Variants in LHFPL3 observed in about 807,000 individuals in gnomAD.
LHFPL3 encodes LHFPL tetraspan subfamily member 3.
A neutral mutation model predicts 19.3 loss-of-function variants in LHFPL3; 5 were observed. That is an observed-to-expected ratio of 0.26 (90% CI 0.14 to 0.54). LHFPL3 has a LOEUF of 0.54. Among genes scored for constraint, LHFPL3 ranks in the 20% least tolerant of loss-of-function variants. The probability of loss-of-function intolerance (pLI) is 0.94; values close to 1 mark genes in which losing one functional copy is unlikely to be tolerated. For synonymous variants in LHFPL3, 133 were observed against 126.2 expected (o/e 1.05, Z -0.36); for missense variants, 249 against 307.4 (o/e 0.81, Z 1.42).
intron 1 of LHFPL3, among the ~76,000 whole-genome samples, chr7:104,467,333 CTCACA>C (rs879331597): frequency 2.6e-5 from 4 of 152,184 alleles, no homozygotes; most frequent in Non-Finnish European, 5.9e-5. Context: ...AAAAGTTTAA[CTCACA>C]TCTCAGCAAC....
At chr7:104,575,726 A>G (rs1356545117) in intron 1 of LHFPL3, among the ~76,000 whole-genome samples, 1 of 151,704 alleles carries the variant, frequency 6.6e-6, no homozygotes, top group Admixed American at 6.6e-5. Context: ...GCTCACTGCA[A>G]CCTCCACCTC....
chr7:104,465,519 C>T (rs1792762410), intron 1 of LHFPL3, among the ~76,000 whole-genome samples: 2 of 152,184 alleles, frequency 1.3e-5, no homozygotes, highest in South Asian at 2.1e-4. Flanking sequence ...ATTTAACTGA[C>T]TCACAGTTCA....
chr7:104,667,696 C>A (rs1281648622), intron 1 of LHFPL3: 34 of 1,308,890 alleles, frequency 2.6e-5, no homozygotes, highest in Non-Finnish European at 3.2e-5. Flanking sequence ...ATGCAATTTA[C>A]AACTTAGAGG....
At chr7:104,653,938 A>G (rs1245555969) in intron 1 of LHFPL3, among the ~76,000 whole-genome samples, 1 of 152,150 alleles carries the variant, frequency 6.6e-6, no homozygotes, top group Non-Finnish European at 1.5e-5. Flanking sequence ...TTGCTTCCCT[A>G]AAGACAGCAC....
At chr7:104,482,641 G>C (rs1195020761) in intron 1 of LHFPL3, among the ~76,000 whole-genome samples, 1 of 152,160 alleles carries the variant, frequency 6.6e-6, no homozygotes, top group Non-Finnish European at 1.5e-5. Flanking sequence ...GCCTTTCTCG[G>C]TTTTGCTTTT....
chr7:104,470,506 C>G (rs904436613), intron 1 of LHFPL3, among the ~76,000 whole-genome samples: 3 of 152,192 alleles, frequency 2.0e-5, no homozygotes, highest in Non-Finnish European at 4.4e-5. Flanking sequence ...CATGCTTTGT[C>G]CACGAACAGT....
intron 2 of LHFPL3, chr7:104,785,757 T>C (rs1562792877): frequency 2.0e-5 from 3 of 152,226 alleles, no homozygotes; most frequent in Admixed American, 2.0e-4. Context: ...AAGAAGTTCA[T>C]TCTCCACACT....
intron 1 of LHFPL3, among the ~76,000 whole-genome samples, chr7:104,655,773 G>C (rs976073034): frequency 1.3e-5 from 2 of 152,168 alleles, no homozygotes; most frequent in African/African-American, 4.8e-5. Context: ...ACCATTCACT[G>C]TTAGTTTCCT....
chr7:104,519,237 A>AT (rs1430308246), intron 1 of LHFPL3, among the ~76,000 whole-genome samples: 1 of 152,056 alleles, frequency 6.6e-6, no homozygotes, highest in Non-Finnish European at 1.5e-5. Flanking sequence ...TTCAGCTAGG[A>AT]TTGGGGCCTT....
intron 2 of LHFPL3, chr7:104,768,744 T>C (rs1794502035): frequency 1.3e-5 from 2 of 152,244 alleles, no homozygotes; most frequent in South Asian, 4.1e-4. Context: ...ACAACTTTGT[T>C]GCCACCTTCC....
At chr7:104,714,807 C>A (rs2116226230) in intron 1 of LHFPL3, among the ~76,000 whole-genome samples, 1 of 152,288 alleles carries the variant, frequency 6.6e-6, no homozygotes, top group South Asian at 2.1e-4. Context: ...GATTGCCAAC[C>A]ACCCTCTAGC....
At chr7:104,675,890 C>T (rs781461400) in intron 1 of LHFPL3, among the ~76,000 whole-genome samples, 16 of 152,144 alleles carry the variant, frequency 1.1e-4, no homozygotes, top group Non-Finnish European at 2.2e-4. Flanking sequence ...TCCAAAACTG[C>T]TGGATGCAAG....
intron 1 of LHFPL3, among the ~76,000 whole-genome samples, chr7:104,346,126 C>T (rs943233095): frequency 1.3e-5 from 2 of 151,450 alleles, no homozygotes; most frequent in African/African-American, 2.4e-5. Context: ...ACCTCTGCCT[C>T]CCAGGTTCAA....
At chr7:104,788,835 C>A (rs924701199) in intron 2 of LHFPL3, among the ~76,000 whole-genome samples, 1 of 152,122 alleles carries the variant, frequency 6.6e-6, no homozygotes, top group Admixed American at 6.6e-5. Flanking sequence ...TTCCCTCTCT[C>A]ACTCCTCAAC....
At chr7:104,671,452 T>G (rs1187397326) in intron 1 of LHFPL3, among the ~76,000 whole-genome samples, 2 of 151,792 alleles carry the variant, frequency 1.3e-5, no homozygotes, top group Non-Finnish European at 1.5e-5. Context: ...CAAAAATATC[T>G]TCTATGAAAA....
chr7:104,452,489 T>G (rs1792459792), intron 1 of LHFPL3, among the ~76,000 whole-genome samples: 1 of 152,194 alleles, frequency 6.6e-6, no homozygotes, highest in Non-Finnish European at 1.5e-5. Context: ...CATTTTATAT[T>G]TTTTATTGCT....
chr7:104,339,807 C>T (rs1233935799), intron 1 of LHFPL3, among the ~76,000 whole-genome samples: 2 of 152,148 alleles, frequency 1.3e-5, no homozygotes, highest in African/African-American at 4.8e-5. Context: ...CCTAATGTGC[C>T]CTTGGTTACA....
intron 1 of LHFPL3, among the ~76,000 whole-genome samples, chr7:104,333,559 A>G (rs1329120776): frequency 6.6e-6 from 1 of 152,178 alleles, no homozygotes; most frequent in East Asian, 1.9e-4. Flanking sequence ...TGAATTGTTT[A>G]GTCTGTTACC....
At chr7:104,810,654 A>G (rs189019335) in intron 2 of LHFPL3, among the ~76,000 whole-genome samples, 1 of 152,174 alleles carries the variant, frequency 6.6e-6, no homozygotes, top group African/African-American at 2.4e-5. Context: ...CCAAACAGGC[A>G]CATGTTCAGA....
Sources: allele counts gnomAD v4.1 joint callset (sites outside exome capture counted in the v4.1 genomes callset), GRCh38; gene constraint gnomAD v4.1.1; transcripts MANE v1.5; gene names NCBI Gene and HGNC (gene_info 2026-07-23, HGNC 2026-07-21).